RPH3AL: variants seen among roughly 807,000 people sequenced by gnomAD.
RPH3AL encodes the protein rab effector Noc2.
In RPH3AL, 38 loss-of-function variants were observed where a neutral mutation model predicts 43.1. That is an observed-to-expected ratio of 0.88 (90% confidence interval 0.68 to 1.15). The LOEUF is 1.15. RPH3AL is among the 50% of genes most tolerant of loss of function. The pLI is 0.00. For synonymous variants in RPH3AL, 189 were observed against 176.3 expected, an observed-to-expected ratio of 1.07 and a Z score of -0.57; for missense variants, 462 against 423.2, an observed-to-expected ratio of 1.09 and a Z score of -0.81.
intron 7 of RPH3AL, among the ~76,000 whole-genome samples, chr17:242,998 T>C (rs2041608702): frequency 7.6e-6 from 1 of 132,278 alleles, no homozygotes; most frequent in Admixed American, 7.1e-5. Flanking sequence ...CCTTCCTCTA[T>C]TGAATACCTT....
chr17:239,034 AC>A (rs2041466993), intron 7 of RPH3AL, among the ~76,000 whole-genome samples: 1 of 152,262 alleles, frequency 6.6e-6, no homozygotes, highest in South Asian at 2.1e-4. Context: ...AGACCCTGTG[AC>A]CAGGTACCAA....
At chr17:280,421 C>A (rs1457606318) in intron 6 of RPH3AL, among the ~76,000 whole-genome samples, 3 of 152,178 alleles carry the variant, frequency 2.0e-5, no homozygotes, top group Admixed American at 2.0e-4. Flanking sequence ...GCTGTCACGG[C>A]TGGGATGAGG....
At chr17:331,324 A>G in intron 2 of RPH3AL, 3 of 313,146 alleles carry the variant, frequency 9.6e-6, no homozygotes, top group South Asian at 5.3e-5. Context: ...AGGGAGACGG[A>G]AGGATGTCGC....
At chr17:221,727 C>G (rs879644877) in intron 7 of RPH3AL, among the ~76,000 whole-genome samples, 2 of 126,950 alleles carry the variant, frequency 1.6e-5, no homozygotes, top group African/African-American at 6.3e-5. Flanking sequence ...AGCTCTGAGG[C>G]CTCCACTCAC....
intron 6 of RPH3AL, among the ~76,000 whole-genome samples, chr17:279,562 G>A (rs1297498443): frequency 1.3e-5 from 2 of 152,188 alleles, no homozygotes; most frequent in Admixed American, 6.5e-5. Context: ...CTGTTACGGA[G>A]TGTGAGGGTG....
intron 5 of RPH3AL, among the ~76,000 whole-genome samples, chr17:315,569 C>T (rs2043993558): frequency 6.6e-6 from 1 of 152,132 alleles, no homozygotes; most frequent in African/African-American, 2.4e-5. Flanking sequence ...CTGTGCCCCA[C>T]CTCCATTGAC....
chr17:243,982 A>C (rs930686935), intron 7 of RPH3AL, among the ~76,000 whole-genome samples: 21 of 143,480 alleles, frequency 1.5e-4, no homozygotes, highest in Admixed American at 4.1e-4. Flanking sequence ...ACCTTCCTCT[A>C]TTGATTACCC....
At chr17:350,802 T>C (rs2151739305) in intron 1 of RPH3AL, among the ~76,000 whole-genome samples, 1 of 152,314 alleles carries the variant, frequency 6.6e-6, no homozygotes, top group African/African-American at 2.4e-5. Flanking sequence ...GATGAAATCT[T>C]GGCCTGGGCT....
At chr17:233,753 A>G (rs1222488580) in intron 7 of RPH3AL, among the ~76,000 whole-genome samples, 2 of 152,180 alleles carry the variant, frequency 1.3e-5, no homozygotes, top group African/African-American at 4.8e-5. Flanking sequence ...AAACACTGCA[A>G]CGGTGATGCT....
chr17:229,072 T>G (rs757640638), intron 7 of RPH3AL, among the ~76,000 whole-genome samples: 1 of 152,142 alleles, frequency 6.6e-6, no homozygotes. Flanking sequence ...TTTTAAAAAA[T>G]TAGAATCTAA....
At chr17:299,959 C>T (rs1555564429) in intron 5 of RPH3AL, among the ~76,000 whole-genome samples, 1 of 151,372 alleles carries the variant, frequency 6.6e-6, no homozygotes, top group African/African-American at 2.4e-5. Context: ...GTACCCCAGC[C>T]TAGGCCCGCA....
chr17:285,077 T>C (rs2151611690), intron 5 of RPH3AL, among the ~76,000 whole-genome samples: 1 of 152,244 alleles, frequency 6.6e-6, no homozygotes, highest in Admixed American at 6.5e-5. Flanking sequence ...GATATAAACA[T>C]TCAGTCCACA....
At chr17:259,284 C>G (rs991913496) in intron 6 of RPH3AL, among the ~76,000 whole-genome samples, 2 of 152,198 alleles carry the variant, frequency 1.3e-5, no homozygotes, top group African/African-American at 4.8e-5. Flanking sequence ...TGCACCCATG[C>G]AGATGTGCAT....
chr17:288,981 T>G (rs1239165502), intron 5 of RPH3AL, among the ~76,000 whole-genome samples: 2 of 152,012 alleles, frequency 1.3e-5, no homozygotes, highest in African/African-American at 4.8e-5. Context: ...TCCCTCCATG[T>G]GCTTCTTTTG....
intron 3 of RPH3AL, 25 bp from the exon 4 acceptor site, chr17:321,440 C>A: frequency 1.3e-6 from 2 of 1,554,404 alleles, no homozygotes; most frequent in Non-Finnish European, 1.7e-6. Flanking sequence ...GCACAGACGG[C>A]GTGGAGGCCT....
rs1322419277 is a variant in RPH3AL, at chr17:283,334, A to C, written c.352-1480T>G. Among the ~76,000 whole-genome samples the C allele has an allele frequency of 6.6e-6, 1 of 152,158 alleles. No homozygotes were observed. The highest frequency in any genetic ancestry group is 1.5e-5 in the Non-Finnish European group (1 of 68,014). On this transcript the variant is annotated intron_variant, in intron 5 of 9. Transcript: ENST00000331302. The surrounding 1 kb of genome is among the most constrained non-coding windows in gnomAD (Gnocchi z 4.2). ...CTGGCCTGATCGGGTGGCCGAGCTC[A>C]GTGCCCCTGGGGTGGGGGAGCAAAC...
At chr17:348,717 G>A (rs1290335333) in intron 1 of RPH3AL, among the ~76,000 whole-genome samples, 3 of 152,050 alleles carry the variant, frequency 2.0e-5, no homozygotes, top group Admixed American at 6.6e-5. Flanking sequence ...AATCACAGGC[G>A]CCCATCATCC....
chr17:329,894 C>A (rs1394378806), intron 2 of RPH3AL, among the ~76,000 whole-genome samples: 1 of 152,208 alleles, frequency 6.6e-6, no homozygotes, highest in Non-Finnish European at 1.5e-5. Flanking sequence ...ATATTGCACC[C>A]AAACTCAACA....
intron 1 of RPH3AL, among the ~76,000 whole-genome samples, chr17:338,260 G>C (rs4985613): frequency 6.6e-6 from 1 of 152,064 alleles, no homozygotes; most frequent in Admixed American, 6.6e-5. Context: ...TCAGGAGTTC[G>C]AGACCAGCCT....
Sources: gnomAD v4.1 joint callset for allele counts (sites outside exome capture counted in the v4.1 genomes callset) on GRCh38, gnomAD v4.1.1 for gene constraint, Gnocchi (gnomAD v3.1) non-coding constraint, MANE v1.5 for transcripts, NCBI Gene and HGNC (gene_info 2026-07-23, HGNC 2026-07-21) for gene names.